Variants in RNF213 observed in about 807,000 individuals in gnomAD.
The protein encoded by RNF213 is E3 ubiquitin-protein ligase RNF213.
In RNF213, 341 loss-of-function variants were observed where a neutral mutation model predicts 514.4. The ratio of observed to expected loss-of-function variants is 0.66; its 90% confidence interval spans 0.61 to 0.73. The LOEUF is 0.73. RNF213 is among the 30% of genes least tolerant of loss of function. The pLI is 0.00. For synonymous variants in RNF213, 2,655 were observed against 2,658.2 expected, an observed-to-expected ratio of 1.00 and a Z score of 0.04; for missense variants, 5,767 against 6,615.6, an observed-to-expected ratio of 0.87 and a Z score of 4.45.
intron 47 of RNF213, 43 bp from the exon 48 acceptor site, chr17:80,372,478 T>TA (rs750303032): frequency 1.8e-4 from 262 of 1,479,174 alleles, no homozygotes; most frequent in Non-Finnish European, 2.4e-4. Context: ...CATCCATGTT[T>TA]AAAAAAATAA....
chr17:80,323,835 G>GGC (rs147479626), intron 17 of RNF213, among the ~76,000 whole-genome samples: 32,249 of 77,166 alleles, frequency 0.42, 4,081 homozygotes, highest in Non-Finnish European at 0.48. Flanking sequence ...ACTTTTTTTT[G>GGC]GGGGGGGGTG....
chr17:80,382,735 C>CA, intron 57 of RNF213: 1 of 416,090 alleles, frequency 2.4e-6, no homozygotes, highest in Non-Finnish European at 4.5e-6. Context: ...TAATTTTTTT[C>CA]AAAATGGGTC....
In RNF213 at chr17:80,273,347, C is replaced by T. The variant is rs776879950; in HGVS notation, c.204C>T (p.Asp68=). Residue 68 remains aspartate, a synonymous_variant, in exon 3 of 68, where the codon GAC becomes GAT. Coordinates refer to ENST00000582970, the MANE Select transcript of RNF213 (RefSeq NM_001256071.3). Reference sequence around the variant, plus strand: ...GCCCGTGCTTGTTCCCGGGCTCAGACAGTTGGCAAGAAAACCCCGAGGAGC... The same window carrying T: ...GCCCGTGCTTGTTCCCGGGCTCAGATAGTTGGCAAGAAAACCCCGAGGAGC... The part of the protein sequence containing the change: ...EGGPCLFPGS[D]SWQENPEEPC... The T allele has an allele frequency of 5.0e-6, 8 of 1,613,440 alleles. No homozygotes were observed. The highest frequency in any genetic ancestry group is 6.8e-6 in the Non-Finnish European group (8 of 1,180,000).
At chr17:80,351,832 T>G in intron 32 of RNF213, 29 bp downstream of exon 32, 1 of 1,121,192 alleles carries the variant, frequency 8.9e-7, no homozygotes, top group Non-Finnish European at 1.4e-6. Flanking sequence ...TCAGGGTATT[T>G]ATTTATGTAT....
chr17:80,339,066 C>G (rs1183235973), intron 25 of RNF213, 135 bp from the exon 26 acceptor site: 25 of 548,094 alleles, frequency 4.6e-5, no homozygotes, highest in East Asian at 1.5e-4. Context: ...AGGAGGGAGG[C>G]CTTGTGAGCG....
At position 80,307,233 on chromosome 17, in the gene RNF213, C is replaced by G. The variant is rs201968632; in HGVS notation, c.2501+32C>G. 9 of 1,606,866 alleles carry G rather than the reference C, an allele frequency of 5.6e-6. No homozygotes were observed. The African/African-American group carries it at 1.1e-4, about 19-fold the overall frequency. Reference sequence around the variant, plus strand: ...GGAAAGCACGATGCAGTCTCTCCCTCACATGCGGCCCCCGGGGGCTTCCTC... The same window carrying G: ...GGAAAGCACGATGCAGTCTCTCCCTGACATGCGGCCCCCGGGGGCTTCCTC... On this transcript the variant is annotated intron_variant, in intron 13 of 67. Transcript: ENST00000582970.
intron 10 of RNF213, among the ~76,000 whole-genome samples, chr17:80,296,124 A>G (rs1225009741): frequency 2.0e-5 from 3 of 152,134 alleles, no homozygotes; most frequent in African/African-American, 7.2e-5. Flanking sequence ...GGTTTAGGCA[A>G]TTCTCCTGCT....
intron 11 of RNF213, among the ~76,000 whole-genome samples, chr17:80,303,073 T>G (rs1233230393): frequency 1.3e-5 from 2 of 152,234 alleles, no homozygotes; most frequent in Non-Finnish European, 2.9e-5. Context: ...ACCTTCCTTG[T>G]GCCAGGAAGT....
intron 2 of RNF213, among the ~76,000 whole-genome samples, chr17:80,269,036 T>A (rs1567990253): frequency 6.6e-6 from 1 of 151,970 alleles, no homozygotes; most frequent in Non-Finnish European, 1.5e-5. Flanking sequence ...GAACCTGAAG[T>A]GTGATGTCCA....
Position 80,289,828 on chromosome 17 carries a change from T to C in RNF213, c.1103T>C (p.Val368Ala). 6.2e-7 allele frequency: 1 copy of C among 1,609,584 alleles called. No individual in the cohort carries two copies. The highest frequency in any genetic ancestry group is 8.5e-7 in the Non-Finnish European group (1 of 1,178,290). The change falls in exon 6 of 68, where the codon GTG becomes GCG. Residue 368 changes from valine (V) to alanine (A), a missense_variant. Coordinates refer to ENST00000582970, the MANE Select transcript of RNF213 (RefSeq NM_001256071.3). The stretch of plus-strand genomic sequence containing the variant: ...AACCAGGAAGCAGATGTCCAGGAAG[T>C]GAAGGCAAGGTAGGGATGCCCCCGC... ...QKNQEADVQE[V>A]KASTLSPGGG...
rs533312656 is a variant in RNF213, at chr17:80,346,588, C to T, written c.8253C>T (p.Asn2751=). ...CCAAGAACTTGGCCTTGAAGGAGAA[C>T]GTCTTCATGATGGTCGTCTGCATCG... ...TIAKNLALKE[N]VFMMVVCIEL... is the part of the protein sequence containing the mutation. Residue 2751 remains asparagine, a synonymous_variant, in exon 29 of 68, where the codon AAC becomes AAT. Transcript: ENST00000582970. This position sits in a 1 kb window ranked among gnomAD's most constrained non-coding sequence, Gnocchi z 8.1. The T allele has an allele frequency of 6.3e-5, 101 of 1,613,306 alleles. No individual in the cohort carries two copies. The highest frequency in any genetic ancestry group is 1.5e-4 in the African/African-American group (11 of 75,038).
intron 3 of RNF213, among the ~76,000 whole-genome samples, chr17:80,282,438 G>A (rs1047131645): frequency 2.0e-5 from 3 of 151,634 alleles, no homozygotes; most frequent in African/African-American, 7.3e-5. Flanking sequence ...TCACTCTGTC[G>A]CCCAGGCCGG....
intron 18 of RNF213, among the ~76,000 whole-genome samples, chr17:80,325,691 G>A (rs532761214): frequency 5.3e-5 from 8 of 151,488 alleles, no homozygotes; most frequent in Admixed American, 2.0e-4. Flanking sequence ...AGCCCCCCGC[G>A]CCCCAGGTGT....
intron 59 of RNF213, 53 bp from the exon 60 acceptor site, chr17:80,384,986 T>C: frequency 1.2e-6 from 2 of 1,600,114 alleles, no homozygotes; most frequent in Non-Finnish European, 1.7e-6. Flanking sequence ...GTAACCCCAA[T>C]AACATTTTTT....
chr17:80,280,666 G>A (rs1345153160), intron 3 of RNF213, among the ~76,000 whole-genome samples: 2 of 151,766 alleles, frequency 1.3e-5, no homozygotes, highest in East Asian at 3.9e-4. Flanking sequence ...TGTTACCCAC[G>A]CTGGTCTCAA....
In RNF213 at chr17:80,343,428, GCA is replaced by G; in HGVS notation, c.6183+106_6183+107del. On this transcript the variant is annotated intron_variant, in intron 27 of 67. Coordinates refer to ENST00000582970, the MANE Select transcript of RNF213 (RefSeq NM_001256071.3). The surrounding 1 kb of genome is among the most constrained non-coding windows in gnomAD (Gnocchi z 4.3). ...TGTATAGAATTCCTTGTTTCCACAC[GCA>G]CAGTCCTGTGAAGCTTAACAGTGGG... is the stretch of plus-strand genomic sequence containing the variant. 2.0e-6 allele frequency: 2 copies of G among 1,021,960 alleles called. No homozygotes were observed. The highest frequency in any genetic ancestry group is 1.5e-6 in the Non-Finnish European group (1 of 670,328). The allele number at this position is 1,021,960 out of a possible 1,614,324, so 63.3% of individuals were successfully genotyped here.
Position 80,353,336 on chromosome 17 carries a change from C to A in RNF213, c.10424-176C>A. 2 of 838,910 alleles carry A rather than the reference C, an allele frequency of 2.4e-6. No homozygotes were observed. Among genetic ancestry groups the A allele is most frequent in the Admixed American group, 2.1e-5 (1 of 48,210 alleles). 52.0% of individuals were successfully genotyped at this position (838,910 alleles called of 1,614,324 possible). A position where few individuals can be genotyped will look rare whatever the true frequency, so the allele number is the denominator to read the frequency against. On this transcript the variant is annotated intron_variant, in intron 33 of 67. Coordinates refer to ENST00000582970, the MANE Select transcript of RNF213 (RefSeq NM_001256071.3). This position sits in a 1 kb window ranked among gnomAD's most constrained non-coding sequence, Gnocchi z 5.0. ...CAGAGCCCAGGCTGGAAGGAAGGGG[C>A]TGCCTTGGGGGCTGATCTTCATGAC...
intron 15 of RNF213, 96 bp downstream of exon 15, chr17:80,313,263 G>C (rs1050466079): frequency 6.7e-6 from 10 of 1,491,816 alleles, no homozygotes; most frequent in Non-Finnish European, 9.3e-6. Context: ...GCCAGGGGCA[G>C]TTGTTGGCCT....
At chr17:80,376,256 C>A in intron 51 of RNF213, 45 bp from the exon 52 acceptor site, 12 of 1,609,724 alleles carry the variant, frequency 7.5e-6, no homozygotes, top group Non-Finnish European at 1.0e-5. Context: ...GCAATTCACA[C>A]AATATTCTTT....
Sources: allele counts gnomAD v4.1 joint callset (sites outside exome capture counted in the v4.1 genomes callset), GRCh38; gene constraint gnomAD v4.1.1; non-coding constraint Gnocchi (gnomAD v3.1); transcripts MANE v1.5; gene names NCBI Gene and HGNC (gene_info 2026-07-23, HGNC 2026-07-21).